The following GPATCH2L variants were observed in gnomAD, a reference collection of about 807,000 sequenced individuals.
The protein encoded by GPATCH2L is G patch domain-containing protein 2-like.
Under a neutral mutation model 57.4 loss-of-function variants are expected in GPATCH2L, and 31 were observed. The ratio of observed to expected loss-of-function variants is 0.54; its 90% CI spans 0.41 to 0.73. The LOEUF is 0.73. Among genes scored for constraint, GPATCH2L ranks in the 30% least tolerant of loss-of-function variants. GPATCH2L has a pLI of 0.00. For synonymous variants in GPATCH2L, 199 were observed against 210.7 expected (o/e 0.94, Z 0.48); for missense variants, 481 against 599.9 (o/e 0.80, Z 2.07).
intron 7 of GPATCH2L, 75 bp downstream of exon 7, chr14:76,178,117 A>G: frequency 6.1e-6 from 8 of 1,315,900 alleles, no homozygotes; most frequent in Non-Finnish European, 7.6e-6. Context: ...ACTTACTGGT[A>G]AAAACTGCAG....
chr14:76,183,808 G>A (rs957682844), intron 8 of GPATCH2L, among the ~76,000 whole-genome samples: 1 of 152,226 alleles, frequency 6.6e-6, no homozygotes, highest in African/African-American at 2.4e-5. Context: ...GAACTGGGCA[G>A]TAGGCTTTGC....
chr14:76,160,213 AC>A (rs1369117588), intron 2 of GPATCH2L, among the ~76,000 whole-genome samples: 3 of 152,184 alleles, frequency 2.0e-5, no homozygotes, highest in Non-Finnish European at 2.9e-5. Context: ...CCCTGCCTCA[AC>A]CTGTAGCTGC....
At chr14:76,169,722 C>T (rs909868428) in intron 3 of GPATCH2L, among the ~76,000 whole-genome samples, 2 of 152,184 alleles carry the variant, frequency 1.3e-5, no homozygotes, top group African/African-American at 2.4e-5. Context: ...CGTCAGAAAA[C>T]ATGGCCTAAT....
rs776397521 is a variant in GPATCH2L, at chr14:76,173,552, A to G, written c.911A>G (p.His304Arg). 1.9e-6 allele frequency: 3 copies of G among 1,610,082 alleles called. No homozygotes were observed. Among genetic ancestry groups the G allele is most frequent in the Non-Finnish European group, 2.5e-6 (3 of 1,177,364 alleles). ...GCCTTCCTTCTTTTTTTAGGGTACC[A>G]TACTCGCTTGAATCGTCTACCTGGA... is the stretch of plus-strand genomic sequence containing the variant. ...LPSRPAQRGY[H>R]TRLNRLPGAA... Residue 304 changes from histidine to arginine, a missense_variant, in exon 5 of 10, where the codon CAT (histidine) becomes CGT (arginine). By Grantham distance (29) the His-to-Arg change is conservative. Transcript: ENST00000261530.
At position 76,186,049 on chromosome 14, in the gene GPATCH2L, A is replaced by G. The variant is rs578053998; in HGVS notation, c.1193+5200A>G. Among the ~76,000 whole-genome samples, 6 of 152,296 alleles carry G rather than the reference A, an allele frequency of 3.9e-5. No individual in the cohort carries two copies. In the South Asian group the frequency reaches 8.3e-4, roughly 21 times the overall value. On this transcript the variant is annotated intron_variant, in intron 8 of 9. Transcript: ENST00000261530. ...AATGGGGACCAAAATGAAATAATAT[A>G]TGTAAATATTGAGCATCCTGGTAAC...
downstream of GPATCH2L, among the ~76,000 whole-genome samples, chr14:76,216,326 T>G (rs369118159): frequency 3.7e-4 from 56 of 152,148 alleles, 4 homozygotes; most frequent in East Asian, 3.1e-3. Context: ...TGTTGCAAAA[T>G]ACTGCATGAG....
At chr14:76,163,307 C>T (rs998579615) in intron 2 of GPATCH2L, among the ~76,000 whole-genome samples, 1 of 152,114 alleles carries the variant, frequency 6.6e-6, no homozygotes, top group African/African-American at 2.4e-5. Flanking sequence ...TATTACCTGG[C>T]CTGCAGTAGA....
In GPATCH2L at chr14:76,202,037, T is replaced by C. The variant is rs2040320125; in HGVS notation, c.*186T>C. On this transcript the variant is annotated 3_prime_UTR_variant, in exon 10 of 10. Transcript: ENST00000261530. ...GATCATGTTGTGGGAATCTTTTTTT[T>C]AAATAGTGAAATATTGAGGCAGCAA... 2.1e-6 allele frequency: 1 copy of C among 478,812 alleles called. No homozygotes were observed. The highest frequency in any genetic ancestry group is 4.2e-5 in the South Asian group (1 of 23,774). 29.7% of individuals were successfully genotyped at this position (478,812 alleles called of 1,614,324 possible).
At chr14:76,175,162 G>C (rs2039266308) in intron 5 of GPATCH2L, 1 of 152,088 alleles carries the variant, frequency 6.6e-6, no homozygotes, top group Non-Finnish European at 1.5e-5. Context: ...CTTTCTTTCA[G>C]CTCTTATAAA....
At position 76,172,030 on chromosome 14, in the gene GPATCH2L, A is replaced by G. The variant is rs1165131139; in HGVS notation, c.904+11A>G. On this transcript the variant is annotated intron_variant, in intron 4 of 9. Transcript: ENST00000261530. ...GGCCAGCTCAAAGAGGTGAGTTCTG[A>G]GGAGACCAAGAACTTAATGCTTTTA... 6.4e-7 allele frequency: 1 copy of G among 1,568,988 alleles called. No homozygotes were observed. Among genetic ancestry groups the G allele is most frequent in the East Asian group, 2.3e-5 (1 of 43,728 alleles).
chr14:76,183,558 A>G (rs11851925), intron 8 of GPATCH2L, among the ~76,000 whole-genome samples: 31,288 of 152,192 alleles, frequency 0.21, 3,559 homozygotes, highest in African/African-American at 0.3. Context: ...TACTACATAC[A>G]TAATTTTTTT....
chr14:76,179,289 G>A (rs978033533), intron 7 of GPATCH2L: 1 of 152,186 alleles, frequency 6.6e-6, no homozygotes, highest in Admixed American at 6.5e-5. Context: ...TATCAAGCCT[G>A]TTATTTCACG....
intron 1 of GPATCH2L, among the ~76,000 whole-genome samples, chr14:76,227,396 A>G (rs940319169): frequency 1.4e-4 from 21 of 152,184 alleles, no homozygotes; most frequent in African/African-American, 3.9e-4. Flanking sequence ...CTGCAGGGAA[A>G]TGAGACCAGT....
At chr14:76,191,540 C>T (rs962732183) in intron 8 of GPATCH2L, among the ~76,000 whole-genome samples, 4 of 152,138 alleles carry the variant, frequency 2.6e-5, no homozygotes, top group Non-Finnish European at 4.4e-5. Flanking sequence ...TGCCGTGCCA[C>T]ATGACAGCTT....
rs2040407600 is a variant in GPATCH2L at position 76,208,714 on chromosome 14, A to G, written c.*6863A>G. The G allele has an allele frequency of 6.6e-6, 1 of 152,416 alleles. No individual in the cohort carries two copies. The highest frequency in any genetic ancestry group is 1.5e-5 in the Non-Finnish European group (1 of 68,222). The allele number at this position is 152,416 out of a possible 1,614,324, so 9.4% of individuals were successfully genotyped here. A position where few individuals can be genotyped will look rare whatever the true frequency, so the allele number is the denominator to read the frequency against. On this transcript the variant is annotated 3_prime_UTR_variant, in exon 10 of 10. Transcript: ENST00000261530. ...TCCTGGCACATACAGCTTTGCATTT[A>G]AACATGTTCAGATACTCCTTCCTTC... is the stretch of plus-strand genomic sequence containing the variant.
At chr14:76,200,205 AG>A (rs1402351006) in intron 9 of GPATCH2L, among the ~76,000 whole-genome samples, 4 of 152,198 alleles carry the variant, frequency 2.6e-5, no homozygotes, top group African/African-American at 9.6e-5. Context: ...TAATGGGTAC[AG>A]AGTTTCCATT....
At chr14:76,157,192 C>T (rs998203031) in intron 2 of GPATCH2L, among the ~76,000 whole-genome samples, 4 of 152,166 alleles carry the variant, frequency 2.6e-5, no homozygotes, top group African/African-American at 4.8e-5. Flanking sequence ...TGACTTGTCT[C>T]GATTCATTTG....
rs79235005 is a variant in GPATCH2L, at chr14:76,232,901, C to G, written c.*117+2948C>G. 3.5e-4 allele frequency among the ~76,000 whole-genome samples: 54 copies of G among 152,324 alleles called. No individual in the cohort carries two copies. In the East Asian group the frequency reaches 8.7e-3, roughly 24 times the overall value. Reference sequence around the variant, plus strand: ...CGTGCAGCTGCTCTTTAGTCTCCAGCCCCTCCAGAGGTAAAATGGATACTG... The same window carrying G: ...CGTGCAGCTGCTCTTTAGTCTCCAGGCCCTCCAGAGGTAAAATGGATACTG... On this transcript the variant is annotated intron_variant and NMD_transcript_variant, in intron 2 of 3. Coordinates refer to the GPATCH2L transcript ENST00000556372.
At chr14:76,191,795 A>G (rs574968555) in intron 8 of GPATCH2L, among the ~76,000 whole-genome samples, 5 of 152,264 alleles carry the variant, frequency 3.3e-5, no homozygotes, top group South Asian at 2.1e-4. Context: ...AGAAGCATTC[A>G]ATATCTTCCT....
Sources: gnomAD v4.1 joint callset for allele counts (sites outside exome capture counted in the v4.1 genomes callset) on GRCh38, gnomAD v4.1.1 for gene constraint, MANE v1.5 for transcripts, NCBI Gene and HGNC (gene_info 2026-07-23, HGNC 2026-07-21) for gene names.